The following NLRP1 variants were observed in gnomAD, a reference collection of about 807,000 sequenced individuals.
NLRP1 encodes NACHT, LRR and PYD domains-containing protein 1.
NLRP1 carries 94 observed loss-of-function variants against 136.7 expected under a neutral mutation model. The observed-to-expected ratio is 0.69, with a 90% CI of 0.58 to 0.82. The LOEUF is 0.82. Ranked by LOEUF, NLRP1 falls within the 40% of genes least tolerant of loss-of-function variation. NLRP1 has a pLI of 0.00. For missense variants in NLRP1, 1,575 were observed against 1,802.7 expected (o/e 0.87, Z 2.29); for synonymous variants, 690 against 725.1 (o/e 0.95, Z 0.78).
chr17:5,514,640 C>T lies in NLRP1; in HGVS notation c.*114G>A, dbSNP rs1001825016. 17 of 1,513,486 alleles carry T rather than the reference C, an allele frequency of 1.1e-5. No individual in the cohort carries two copies. Among genetic ancestry groups the T allele is most frequent in the Non-Finnish European group, 1.4e-5 (16 of 1,129,600 alleles). The allele number at this position is 1,513,486 out of a possible 1,614,324, so 93.8% of individuals were successfully genotyped here. A position where few individuals can be genotyped will look rare whatever the true frequency, so the allele number is the denominator to read the frequency against. On this transcript the variant is annotated 3_prime_UTR_variant, in exon 17 of 17. Coordinates refer to ENST00000572272, the MANE Select transcript of NLRP1 (RefSeq NM_033004.4). ...CAAAGGCATCATCAAAGTTCCATTA[C>T]TTTAGTGCTGGAAGGCAAACCAGAT... is the stretch of plus-strand genomic sequence containing the variant.
chr17:5,505,497 C>G (rs1445188414), intron 15 of NLRP1: 2 of 152,436 alleles, frequency 1.3e-5, no homozygotes, highest in African/African-American at 4.8e-5. Flanking sequence ...CTCCAAGCCC[C>G]CCTACCCTCC....
intron 14 of NLRP1, among the ~76,000 whole-genome samples, chr17:5,519,406 A>G (rs1342746236): frequency 4.0e-5 from 6 of 149,604 alleles, no homozygotes; most frequent in Non-Finnish European, 8.9e-5. Context: ...TTGAACTCCC[A>G]TAGTGCTGCG....
chr17:5,532,262 C>G (rs8070450), intron 11 of NLRP1, among the ~76,000 whole-genome samples: 7,111 of 152,146 alleles, frequency 0.047, 192 homozygotes, highest in Middle Eastern at 0.092. Flanking sequence ...CAAATCAAAC[C>G]AAACCCAACC....
At chr17:5,580,815 A>G (rs531599381) in intron 3 of NLRP1, among the ~76,000 whole-genome samples, 2 of 152,302 alleles carry the variant, frequency 1.3e-5, no homozygotes, top group African/African-American at 4.8e-5. Flanking sequence ...GTGATTCTCA[A>G]ATATAGAAAG....
In NLRP1 at chr17:5,536,893, G is replaced by A. The variant is rs772441405; in HGVS notation, c.2918C>T (p.Ala973Val). 2.1e-5 allele frequency: 34 copies of A among 1,613,758 alleles called. No individual in the cohort carries two copies. Among genetic ancestry groups the A allele is most frequent in the Non-Finnish European group, 2.8e-5 (33 of 1,179,678 alleles). Residue 973 changes from alanine (A) to valine (V), a missense_variant, in exon 8 of 17, where the codon GCC becomes GTC. Transcript: ENST00000572272. ...CAGCTGAGGTTTCTCCTGCTCCAGG[G>A]CCCTCAGTTCCTGCCTCATCTCATC... Reference protein sequence around the residue: ...LSDEMRQELRALEQEKPQLLI... With the variant: ...LSDEMRQELRVLEQEKPQLLI...
At chr17:5,556,488 C>T (rs983139264) in intron 4 of NLRP1, among the ~76,000 whole-genome samples, 81 of 151,610 alleles carry the variant, frequency 5.3e-4, no homozygotes, top group Non-Finnish European at 8.7e-4. Context: ...AAAAAATACC[C>T]CACACCCACT....
chr17:5,567,160 C>A (rs999896881), intron 3 of NLRP1, among the ~76,000 whole-genome samples: 1 of 152,020 alleles, frequency 6.6e-6, no homozygotes, highest in Non-Finnish European at 1.5e-5. Context: ...AATCCATTTA[C>A]ATTACTTATT....
chr17:5,580,760 T>A (rs1027170102), intron 3 of NLRP1, among the ~76,000 whole-genome samples: 1 of 152,224 alleles, frequency 6.6e-6, no homozygotes, highest in Non-Finnish European at 1.5e-5. Context: ...CTTTATTGTT[T>A]GGATTTTTTA....
intron 5 of NLRP1, among the ~76,000 whole-genome samples, chr17:5,548,222 A>G (rs7224277): frequency 0.047 from 7,188 of 152,266 alleles, 198 homozygotes; most frequent in Middle Eastern, 0.085. Flanking sequence ...ACTCCTAGCA[A>G]ACAACTCAAT....
chr17:5,507,009 T>C (rs1224993578), intron 15 of NLRP1, among the ~76,000 whole-genome samples: 1 of 152,052 alleles, frequency 6.6e-6, no homozygotes, highest in Non-Finnish European at 1.5e-5. Flanking sequence ...ACAATGATTG[T>C]ATGATTCCAC....
Position 5,521,691 on chromosome 17 carries a change from C to A in NLRP1, c.3616G>T (p.Val1206Phe). 4 of 1,613,780 alleles carry A rather than the reference C, an allele frequency of 2.5e-6. No individual in the cohort carries two copies. The highest frequency in any genetic ancestry group is 3.4e-6 in the Non-Finnish European group (4 of 1,180,032). ...GGGGAGAAGCTGGGGTTTTCCAGAA[C>A]TATGTGATGCAGCTCCACCCTGGCT... is the stretch of plus-strand genomic sequence containing the variant. ...KPARVELHHI[V>F]LENPSFSPLG... The change falls in exon 13 of 17, where the codon GTT becomes TTT. Residue 1206 changes from valine to phenylalanine, a missense_variant. Physicochemically the swap from Val to Phe is conservative, Grantham distance 50 (BLOSUM62 -1). Transcript: ENST00000572272.
chr17:5,558,752 A>G lies in NLRP1; in HGVS notation c.1944T>C (p.Asn648=). The change falls in exon 4 of 17, where the codon AAT becomes AAC. Residue 648 remains asparagine (N), a synonymous_variant. Transcript: ENST00000572272. ...GCGTCTTTTCCAAATCTATGATGCA[A>G]TTAGAATGTTTACCTCTCCCCTTCT... The part of the protein sequence containing the change: ...EDEKGRGKHS[N]CIIDLEKTLE... 3 of 1,614,178 alleles carry G rather than the reference A, an allele frequency of 1.9e-6. No homozygotes were observed. The highest frequency in any genetic ancestry group is 2.5e-6 in the Non-Finnish European group (3 of 1,180,016).
At position 5,541,062 on chromosome 17, in the gene NLRP1, T is replaced by A. The variant is rs11653197; in HGVS notation, c.2699+795A>T. Among the ~76,000 whole-genome samples, 7,199 of 152,190 alleles carry A rather than the reference T, an allele frequency of 0.047. 199 individuals are homozygous for A. Among genetic ancestry groups the A allele is most frequent in the Middle Eastern group, 0.088 (26 of 294 alleles). The stretch of plus-strand genomic sequence containing the variant: ...CTCTTGTTTCTTTTCTTTTCTTTTT[T>A]AAGAAGGAGTCTCGCTCTGTTGCCC... On this transcript the variant is annotated intron_variant, in intron 6 of 16. Coordinates refer to ENST00000572272, the MANE Select transcript of NLRP1 (RefSeq NM_033004.4). This position sits in a 1 kb window ranked among gnomAD's most constrained non-coding sequence, Gnocchi z 4.2.
intron 4 of NLRP1, among the ~76,000 whole-genome samples, chr17:5,553,872 T>TAA (rs71312948): frequency 0.047 from 7,036 of 149,642 alleles, 363 homozygotes; most frequent in African/African-American, 0.13. Context: ...TTTTTTTTTT[T>TAA]AAATCTGCAC....
intron 3 of NLRP1, among the ~76,000 whole-genome samples, chr17:5,564,465 G>A (rs766720375): frequency 6.6e-6 from 1 of 152,112 alleles, no homozygotes; most frequent in Non-Finnish European, 1.5e-5. Flanking sequence ...TTGTCTTCCT[G>A]TGCCTGGCTT....
At chr17:5,530,408 G>T in intron 12 of NLRP1, 73 bp downstream of exon 12, 3 of 1,389,458 alleles carry the variant, frequency 2.2e-6, no homozygotes, top group Non-Finnish European at 3.0e-6. Context: ...TCTCCCAGGA[G>T]ATTATCATTC....
In NLRP1 at chr17:5,584,190, G is replaced by A. The variant is rs201434261; in HGVS notation, c.-233C>T. The A allele has an allele frequency of 1.8e-5, 10 of 563,982 alleles. No homozygotes were observed. The highest frequency in any genetic ancestry group is 3.2e-5 in the Non-Finnish European group (10 of 316,100). The allele number at this position is 563,982 out of a possible 1,614,324, so 34.9% of individuals were successfully genotyped here. On this transcript the variant is annotated 5_prime_UTR_variant, in exon 1 of 17. Transcript: ENST00000572272. ...AGGGGCCTGCAAGACACTGGAAGAA[G>A]TCAGCTGATAGGGAGGTCCTGGGAT...
chr17:5,556,019 G>A (rs548381768), intron 4 of NLRP1, among the ~76,000 whole-genome samples: 2 of 152,152 alleles, frequency 1.3e-5, no homozygotes, highest in African/African-American at 4.8e-5. Flanking sequence ...GCTTGAACCT[G>A]GGAGGCAGAG....
intron 3 of NLRP1, among the ~76,000 whole-genome samples, chr17:5,570,120 A>G (rs941926057): frequency 1.3e-5 from 2 of 152,088 alleles, no homozygotes; most frequent in African/African-American, 2.4e-5. Flanking sequence ...AAGCAGTGGA[A>G]AGTTTATAGC....
Sources: gnomAD v4.1 joint callset for allele counts (sites outside exome capture counted in the v4.1 genomes callset) on GRCh38, gnomAD v4.1.1 for gene constraint, Gnocchi (gnomAD v3.1) non-coding constraint, MANE v1.5 for transcripts, NCBI Gene and HGNC (gene_info 2026-07-23, HGNC 2026-07-21) for gene names.